The following KIRREL3 variants were observed in gnomAD, a reference collection of about 807,000 sequenced individuals.
KIRREL3 encodes the protein kin of IRRE-like protein 3.
In KIRREL3, 36 loss-of-function variants were observed where a neutral mutation model predicts 89.7. The observed-to-expected ratio is 0.40, with a 90% confidence interval of 0.31 to 0.53. The LOEUF (loss-of-function observed/expected upper bound fraction) is 0.53. Ranked by LOEUF, KIRREL3 falls within the 20% of genes least tolerant of loss-of-function variation. The pLI is 0.49. For synonymous variants in KIRREL3, 445 were observed against 441.4 expected (o/e 1.01, Z -0.10); for missense variants, 864 against 1,056.6 (o/e 0.82, Z 2.53).
In KIRREL3 at chr11:126,898,235, G is replaced by A. The variant is rs1161098339; in HGVS notation, c.55+102220C>T. 1.3e-5 allele frequency among the ~76,000 whole-genome samples: 2 copies of A among 152,162 alleles called. No individual in the cohort carries two copies. Among genetic ancestry groups the A allele is most frequent in the African/African-American group, 4.8e-5 (2 of 41,438 alleles). On this transcript the variant is annotated intron_variant, in intron 1 of 16. Coordinates refer to ENST00000525144, the MANE Select transcript of KIRREL3 (RefSeq NM_032531.4). The surrounding 1 kb of genome is among the most constrained non-coding windows in gnomAD (Gnocchi z 4.9). The stretch of plus-strand genomic sequence containing the variant: ...ATGAAACACTACTTTATGCCAATTA[G>A]GTTAGCAAGAATTAGAAAACTGAAG...
Position 126,863,536 on chromosome 11 carries a change from C to T in KIRREL3, c.55+136919G>A, listed in dbSNP as rs530562020. ...GTGTGTTTGAGTGCGTGTGTGAGTG[C>T]GTGTGAGTGTGTGAGTGCATGTGTG... On this transcript the variant is annotated intron_variant, in intron 1 of 16. Transcript: ENST00000525144. Among the ~76,000 whole-genome samples the T allele has an allele frequency of 9.6e-4, 106 of 110,468 alleles. 1 individual carries two copies. Among genetic ancestry groups the T allele is most frequent in the African/African-American group, 3.4e-3 (94 of 27,998 alleles). 72.5% of individuals were successfully genotyped at this position (110,468 alleles called of 152,430 possible). A position where few individuals can be genotyped will look rare whatever the true frequency, so the allele number is the denominator to read the frequency against.
intron 4 of KIRREL3, among the ~76,000 whole-genome samples, chr11:126,499,868 C>G (rs537837141): frequency 6.6e-6 from 1 of 152,292 alleles, no homozygotes; most frequent in South Asian, 2.1e-4. Flanking sequence ...TTTTATCCTG[C>G]CTGGGATGGT....
At chr11:126,728,639 T>A (rs61897912) in intron 1 of KIRREL3, among the ~76,000 whole-genome samples, 3 of 152,120 alleles carry the variant, frequency 2.0e-5, no homozygotes, top group Non-Finnish European at 2.9e-5. Flanking sequence ...CACAGGAACC[T>A]GGACCACCTT....
chr11:126,662,151 A>G (rs572593427), intron 1 of KIRREL3, among the ~76,000 whole-genome samples: 1 of 152,370 alleles, frequency 6.6e-6, no homozygotes, highest in Non-Finnish European at 1.5e-5. Context: ...CCCAGGGCAC[A>G]CTGGTGTTTC....
chr11:126,963,742 A>G (rs1468351699), intron 1 of KIRREL3, among the ~76,000 whole-genome samples: 2 of 152,130 alleles, frequency 1.3e-5, no homozygotes, highest in Non-Finnish European at 2.9e-5. Context: ...TTACGTCTTC[A>G]GCCAAGGCAA....
chr11:126,869,010 C>G (rs1565368870), intron 1 of KIRREL3, among the ~76,000 whole-genome samples: 1 of 152,106 alleles, frequency 6.6e-6, no homozygotes, highest in Non-Finnish European at 1.5e-5. Flanking sequence ...TTTCCCAAAG[C>G]CCCAAGTCCT....
Position 126,614,085 on chromosome 11 carries a change from C to T in KIRREL3, c.56-51173G>A, listed in dbSNP as rs965259630. On this transcript the variant is annotated intron_variant, in intron 1 of 16. Transcript: ENST00000525144. The surrounding 1 kb of genome is among the most constrained non-coding windows in gnomAD (Gnocchi z 4.6). ...AATAGAGTTCTCCCTTTGTGGGTGG[C>T]ATTTTGACATCACATTTTAAGACAG... Among the ~76,000 whole-genome samples, 1 of 151,878 alleles carries T rather than the reference C, an allele frequency of 6.6e-6. No homozygotes were observed. The highest frequency in any genetic ancestry group is 1.5e-5 in the Non-Finnish European group (1 of 67,984).
Position 126,814,201 on chromosome 11 carries a change from T to G in KIRREL3, c.55+186254A>C, listed in dbSNP as rs564611261. ...AGATAAATGCAAATAAAAACCACAA[T>G]GACATACCATCTCATGCCAGGCAGA... On this transcript the variant is annotated intron_variant, in intron 1 of 16. Coordinates refer to ENST00000525144, the MANE Select transcript of KIRREL3 (RefSeq NM_032531.4). This position sits in a 1 kb window ranked among gnomAD's most constrained non-coding sequence, Gnocchi z 4.4. Among the ~76,000 whole-genome samples, 68 of 151,076 alleles carry G rather than the reference T, an allele frequency of 4.5e-4. No homozygotes were observed. The highest frequency in any genetic ancestry group is 1.6e-3 in the African/African-American group (66 of 41,220).
intron 7 of KIRREL3, among the ~76,000 whole-genome samples, chr11:126,451,400 A>C (rs1279028956): frequency 2.7e-5 from 2 of 73,050 alleles, no homozygotes; most frequent in Non-Finnish European, 5.2e-5. Flanking sequence ...GAACGTGTGC[A>C]TGTGTGCATG....
At chr11:126,765,101 GT>G (rs1172945409) in intron 1 of KIRREL3, among the ~76,000 whole-genome samples, 1 of 152,198 alleles carries the variant, frequency 6.6e-6, no homozygotes, top group African/African-American at 2.4e-5. Flanking sequence ...GTAACAAAGA[GT>G]TTCTGGAATC....
In KIRREL3 at chr11:126,710,669, G is replaced by C. The variant is rs1409527555; in HGVS notation, c.56-147757C>G. ...CATCCCACTTGGACTCAGAGTCCCT[G>C]GTGCCCCGAAGGAAAGCAAATCAGC... On this transcript the variant is annotated intron_variant, in intron 1 of 16. Coordinates refer to ENST00000525144, the MANE Select transcript of KIRREL3 (RefSeq NM_032531.4). The surrounding 1 kb of genome is among the most constrained non-coding windows in gnomAD (Gnocchi z 4.2). 6.6e-6 allele frequency among the ~76,000 whole-genome samples: 1 copy of C among 152,036 alleles called. No individual in the cohort carries two copies. Among genetic ancestry groups the C allele is most frequent in the African/African-American group, 2.4e-5 (1 of 41,378 alleles).
intron 10 of KIRREL3, among the ~76,000 whole-genome samples, chr11:126,442,027 C>T (rs187286049): frequency 1.3e-3 from 196 of 152,174 alleles, no homozygotes; most frequent in African/African-American, 4.5e-3. Flanking sequence ...AAACCTAGCA[C>T]TTTGGGAGGC....
intron 1 of KIRREL3, among the ~76,000 whole-genome samples, chr11:126,893,576 A>G (rs913263448): frequency 6.6e-6 from 1 of 152,320 alleles, no homozygotes; most frequent in South Asian, 2.1e-4. Flanking sequence ...TAGAAGTTTT[A>G]GACTGTGGAA....
At chr11:126,602,808 G>T in intron 1 of KIRREL3, among the ~76,000 whole-genome samples, 1 of 152,180 alleles carries the variant, frequency 6.6e-6, no homozygotes, top group Non-Finnish European at 1.5e-5. Context: ...AGTTCGCGGG[G>T]CTGGGAGGAC....
intron 1 of KIRREL3, among the ~76,000 whole-genome samples, chr11:126,717,918 G>T (rs574799282): frequency 6.6e-6 from 1 of 152,254 alleles, no homozygotes; most frequent in African/African-American, 2.4e-5. Context: ...ATCATAAACG[G>T]CACAAATGGA....
At chr11:126,756,324 A>G (rs548234842) in intron 1 of KIRREL3, among the ~76,000 whole-genome samples, 10 of 152,364 alleles carry the variant, frequency 6.6e-5, no homozygotes, top group African/African-American at 2.4e-4. Context: ...TGTCAAATTT[A>G]ACAAATGGTA....
rs1320141378 is a variant in KIRREL3 at position 126,525,199 on chromosome 11, G to GCAGACCCA, written c.283+1338_283+1339insTGGGTCTG. Among the ~76,000 whole-genome samples the GCAGACCCA allele has an allele frequency of 6.6e-6, 1 of 152,172 alleles. No individual in the cohort carries two copies. The highest frequency in any genetic ancestry group is 1.5e-5 in the Non-Finnish European group (1 of 68,034). The stretch of plus-strand genomic sequence containing the variant: ...CTGACCCAGCAAGACCCCAGTCCCT[G>GCAGACCCA]ACGGAAGTTGGAAACCCACTGACCG... On this transcript the variant is annotated intron_variant, in intron 3 of 16. Coordinates refer to ENST00000525144, the MANE Select transcript of KIRREL3 (RefSeq NM_032531.4). The surrounding 1 kb of genome is among the most constrained non-coding windows in gnomAD (Gnocchi z 5.4).
chr11:126,953,317 C>A lies in KIRREL3; in HGVS notation c.55+47138G>T, dbSNP rs1412160669. 6.6e-6 allele frequency among the ~76,000 whole-genome samples: 1 copy of A among 151,618 alleles called. No individual in the cohort carries two copies. Among genetic ancestry groups the A allele is most frequent in the African/African-American group, 2.4e-5 (1 of 41,216 alleles). The stretch of plus-strand genomic sequence containing the variant: ...ATGGACACAGGGAGGGGACATCATA[C>A]ACCGGGGCTTGTTGTGGGGTGGGGG... On this transcript the variant is annotated intron_variant, in intron 1 of 16. Coordinates refer to ENST00000525144, the MANE Select transcript of KIRREL3 (RefSeq NM_032531.4). The surrounding 1 kb of genome is among the most constrained non-coding windows in gnomAD (Gnocchi z 5.2).
chr11:126,574,385 C>T lies in KIRREL3; in HGVS notation c.56-11473G>A, dbSNP rs1006883558. ...CTCTTTTCTTCTCTTTAATGATAAC[C>T]TTTCAGCAGTGAGTGGGCAAAGGAG... is the stretch of plus-strand genomic sequence containing the variant. On this transcript the variant is annotated intron_variant, in intron 1 of 16. Transcript: ENST00000525144. This position sits in a 1 kb window ranked among gnomAD's most constrained non-coding sequence, Gnocchi z 5.3. Among the ~76,000 whole-genome samples, 1 of 152,004 alleles carries T rather than the reference C, an allele frequency of 6.6e-6. No individual in the cohort carries two copies. The highest frequency in any genetic ancestry group is 1.5e-5 in the Non-Finnish European group (1 of 67,998).
Sources: allele counts gnomAD v4.1 joint callset (sites outside exome capture counted in the v4.1 genomes callset), GRCh38; gene constraint gnomAD v4.1.1; non-coding constraint Gnocchi (gnomAD v3.1); transcripts MANE v1.5; gene names NCBI Gene and HGNC (gene_info 2026-07-23, HGNC 2026-07-21).